CYB5R4: variants seen among roughly 807,000 people sequenced by gnomAD.
CYB5R4 encodes the protein N-terminal cytochrome b5 and cytochrome b5 oxidoreductase domain-containing protein.
In CYB5R4, 55 loss-of-function variants were observed where a neutral mutation model predicts 70.2. The observed-to-expected ratio is 0.78, with a 90% CI of 0.63 to 0.98. The LOEUF (loss-of-function observed/expected upper bound fraction) is 0.98, where lower values mean the gene tolerates loss of function less well. Ranked by LOEUF, CYB5R4 falls within the 50% of genes least tolerant of loss-of-function variation. The pLI, the probability that CYB5R4 is intolerant of heterozygous loss-of-function variation, is 0.00. For synonymous variants in CYB5R4, 197 were observed against 199.5 expected (o/e 0.99, Z 0.11); for missense variants, 562 against 612.6 (o/e 0.92, Z 0.87).
chr6:83,950,907 T>C (rs1210900635), intron 14 of CYB5R4, among the ~76,000 whole-genome samples: 1 of 152,176 alleles, frequency 6.6e-6, no homozygotes, highest in Non-Finnish European at 1.5e-5. Context: ...CATTGTATTG[T>C]GTGTTTTTTA....
At chr6:83,956,396 C>G (rs757527887) in intron 15 of CYB5R4, among the ~76,000 whole-genome samples, 1 of 152,184 alleles carries the variant, frequency 6.6e-6, no homozygotes, top group Middle Eastern at 3.4e-3. Flanking sequence ...TTTCCAGGCT[C>G]TAGGTAAGTT....
chr6:83,934,230 T>TA lies in CYB5R4; in HGVS notation c.815-356dup, dbSNP rs1434873551. Among the ~76,000 whole-genome samples, 593 of 146,722 alleles carry TA rather than the reference T, an allele frequency of 4.0e-3. 2 individuals are homozygous for TA. The highest frequency in any genetic ancestry group is 0.013 in the African/African-American group (532 of 39,838). ...GCAACATAGTGAAACCCAATCTCTT[T>TA]AAAAAAAAATTAAAAAAAAAAAAAA... On this transcript the variant is annotated intron_variant, in intron 10 of 15. Coordinates refer to ENST00000369681, the MANE Select transcript of CYB5R4 (RefSeq NM_016230.4).
chr6:83,904,432 A>G (rs535812409), intron 3 of CYB5R4, among the ~76,000 whole-genome samples: 4 of 152,242 alleles, frequency 2.6e-5, no homozygotes, highest in African/African-American at 7.2e-5. Context: ...ATATGTTGAG[A>G]CTTGTTTTGT....
At chr6:83,910,259 G>A in intron 4 of CYB5R4, 2 of 874,238 alleles carry the variant, frequency 2.3e-6, no homozygotes, top group Non-Finnish European at 3.5e-6. Flanking sequence ...TCTTCTAGAA[G>A]CCTCAGTTTC....
chr6:83,922,270 G>A (rs1368059908), intron 8 of CYB5R4, among the ~76,000 whole-genome samples, 168 bp from the exon 9 acceptor site: 1 of 152,136 alleles, frequency 6.6e-6, no homozygotes, highest in Non-Finnish European at 1.5e-5. Context: ...GTATTTAAAT[G>A]ATTTGATTCT....
At chr6:83,878,536 CG>C (rs2099458945) in intron 2 of CYB5R4, among the ~76,000 whole-genome samples, 1 of 151,982 alleles carries the variant, frequency 6.6e-6, no homozygotes, top group Admixed American at 6.5e-5. Context: ...TTAGTAGAGA[CG>C]GGGTTTCACA....
At chr6:83,937,523 TTTTGTTTG>T (rs934344912) in intron 12 of CYB5R4, among the ~76,000 whole-genome samples, 1 of 152,140 alleles carries the variant, frequency 6.6e-6, no homozygotes, top group Non-Finnish European at 1.5e-5. Context: ...TGCTTTGTTT[TTTTGTTTG>T]TTTGTTTTAT....
At chr6:83,949,928 A>C (rs555266097) in intron 14 of CYB5R4, among the ~76,000 whole-genome samples, 1 of 152,298 alleles carries the variant, frequency 6.6e-6, no homozygotes, top group South Asian at 2.1e-4. Context: ...GCCCAGAATT[A>C]GTATGTTTGT....
At chr6:83,887,057 T>A (rs1210015709) in intron 2 of CYB5R4, among the ~76,000 whole-genome samples, 1 of 152,076 alleles carries the variant, frequency 6.6e-6, no homozygotes, top group African/African-American at 2.4e-5. Flanking sequence ...TGAAAACAAA[T>A]AAATATAAAA....
At chr6:83,912,056 CAA>C (rs34601186) in intron 4 of CYB5R4, among the ~76,000 whole-genome samples, 34 of 64,682 alleles carry the variant, frequency 5.3e-4, no homozygotes, top group Admixed American at 7.1e-4. Flanking sequence ...GGCCTTGTCT[CAA>C]AAAAAAAAAA....
chr6:83,961,055 A>G lies in CYB5R4; in HGVS notation c.*1177A>G, dbSNP rs2099473262. 1 of 152,208 alleles carries G rather than the reference A, an allele frequency of 6.6e-6. No homozygotes were observed. The highest frequency in any genetic ancestry group is 2.1e-4 in the South Asian group (1 of 4,828). The allele number at this position is 152,208 out of a possible 1,614,324, so 9.4% of individuals were successfully genotyped here. The stretch of plus-strand genomic sequence containing the variant: ...CCAATTTCTCTGTAAATGATTTTGT[A>G]AACAGCTAAATCTTTGCTGAATGAA... On this transcript the variant is annotated 3_prime_UTR_variant, in exon 16 of 16. Transcript: ENST00000369681.
intron 13 of CYB5R4, 134 bp downstream of exon 13, chr6:83,940,340 C>CT (rs1413607986): frequency 2.7e-6 from 3 of 1,103,630 alleles, no homozygotes; most frequent in Admixed American, 6.3e-5. Flanking sequence ...ACTTTGCCTC[C>CT]TCTAATCCTA....
At chr6:83,937,018 TA>T (rs1191237929) in intron 12 of CYB5R4, among the ~76,000 whole-genome samples, 2 of 152,214 alleles carry the variant, frequency 1.3e-5, no homozygotes, top group Non-Finnish European at 2.9e-5. Flanking sequence ...CTCACGCCTG[TA>T]ATCCCAGCAC....
chr6:83,960,064 T>C lies in CYB5R4; in HGVS notation c.*186T>C. The C allele has an allele frequency of 2.3e-6, 1 of 432,740 alleles. No homozygotes were observed. The highest frequency in any genetic ancestry group is 4.3e-5 in the South Asian group (1 of 23,290). The allele number at this position is 432,740 out of a possible 1,614,324, so 26.8% of individuals were successfully genotyped here. A position where few individuals can be genotyped will look rare whatever the true frequency, so the allele number is the denominator to read the frequency against. On this transcript the variant is annotated 3_prime_UTR_variant, in exon 16 of 16. Coordinates refer to ENST00000369681, the MANE Select transcript of CYB5R4 (RefSeq NM_016230.4). ...TGGCTTTCTTTTGTACCACAACTTATTTTACTACTGATATTTGACCTGGAA... is the reference window on the plus strand; with the variant it reads ...TGGCTTTCTTTTGTACCACAACTTACTTTACTACTGATATTTGACCTGGAA...
intron 10 of CYB5R4, among the ~76,000 whole-genome samples, chr6:83,927,864 A>G (rs978145480): frequency 2.6e-5 from 4 of 152,132 alleles, no homozygotes; most frequent in African/African-American, 4.8e-5. Flanking sequence ...CTTTAATCAC[A>G]TGGTTGGTTT....
At chr6:83,942,468 C>A (rs1287374649) in intron 14 of CYB5R4, among the ~76,000 whole-genome samples, 1 of 152,226 alleles carries the variant, frequency 6.6e-6, no homozygotes, top group Non-Finnish European at 1.5e-5. Flanking sequence ...TTGCAACCTG[C>A]AGACCAGGAG....
Position 83,966,053 on chromosome 6 carries a change from T to C in CYB5R4, c.*6175T>C, listed in dbSNP as rs922337990. 3.9e-5 allele frequency: 6 copies of C among 152,318 alleles called. No homozygotes were observed. Among genetic ancestry groups the C allele is most frequent in the Middle Eastern group, 6.8e-3 (2 of 294 alleles). 9.4% of individuals were successfully genotyped at this position (152,318 alleles called of 1,614,324 possible). A position where few individuals can be genotyped will look rare whatever the true frequency, so the allele number is the denominator to read the frequency against. On this transcript the variant is annotated 3_prime_UTR_variant, in exon 16 of 16. Coordinates refer to ENST00000369681, the MANE Select transcript of CYB5R4 (RefSeq NM_016230.4). ...TATGTCTTTATCAGCAGTGATTCTA[T>C]TCCTATGAAATGTCTAGAACAGGAA...
At chr6:83,877,560 G>A (rs998805454) in intron 2 of CYB5R4, among the ~76,000 whole-genome samples, 1 of 151,426 alleles carries the variant, frequency 6.6e-6, no homozygotes, top group South Asian at 2.1e-4. Context: ...GAGTGGGTGG[G>A]TGGGGGAGGA....
intron 2 of CYB5R4, among the ~76,000 whole-genome samples, chr6:83,874,377 T>C (rs1193496328): frequency 6.6e-6 from 1 of 151,314 alleles, no homozygotes; most frequent in African/African-American, 2.4e-5. Context: ...AAAAAAATTA[T>C]TTTTTTGTAG....
Sources: gnomAD v4.1 joint callset for allele counts (sites outside exome capture counted in the v4.1 genomes callset) on GRCh38, gnomAD v4.1.1 for gene constraint, MANE v1.5 for transcripts, NCBI Gene and HGNC (gene_info 2026-07-23, HGNC 2026-07-21) for gene names.